Variants in IPP observed in about 807,000 individuals in gnomAD.
The protein encoded by IPP is intracisternal A particle-promoted polypeptide.
In IPP, 41 loss-of-function variants were observed where a neutral mutation model predicts 64.1. The ratio of observed to expected loss-of-function variants is 0.64; its 90% CI spans 0.50 to 0.83. IPP has a LOEUF of 0.83. IPP is among the 40% of genes least tolerant of loss of function. The probability of loss-of-function intolerance (pLI) is 0.00; values close to 1 mark genes in which losing one functional copy is unlikely to be tolerated. For missense variants in IPP, 649 were observed against 703.0 expected, an observed-to-expected ratio of 0.92 and a Z score of 0.87; for synonymous variants, 214 against 235.2, an observed-to-expected ratio of 0.91 and a Z score of 0.83.
At chr1:45,709,488 G>T (rs531098188) in intron 8 of IPP, among the ~76,000 whole-genome samples, 59 of 141,282 alleles carry the variant, frequency 4.2e-4, no homozygotes, top group African/African-American at 1.6e-3. Context: ...ATGTGAGATA[G>T]AAATGCAATT....
intron 3 of IPP, among the ~76,000 whole-genome samples, chr1:45,739,480 C>A (rs1646031398): frequency 9.0e-6 from 1 of 110,868 alleles, no homozygotes; most frequent in South Asian, 3.0e-4. Context: ...GTCTTGAATT[C>A]TTGTGCTAAA....
At chr1:45,740,782 G>A in intron 3 of IPP, 119 bp downstream of exon 3, 3 of 580,710 alleles carry the variant, frequency 5.2e-6, no homozygotes, top group Middle Eastern at 4.5e-4. Flanking sequence ...GAAAAAAAAA[G>A]AGTAATCATT....
chr1:45,719,795 G>A (rs927947128), intron 5 of IPP, among the ~76,000 whole-genome samples: 5 of 149,952 alleles, frequency 3.3e-5, no homozygotes, highest in Admixed American at 6.7e-5. Context: ...GCACAATCTC[G>A]GCTCACTGCA....
chr1:45,716,979 G>A lies in IPP; in HGVS notation c.1225C>T (p.Arg409Ter), dbSNP rs757516477. The A allele has an allele frequency of 6.8e-6, 11 of 1,612,548 alleles. No individual in the cohort carries two copies. The highest frequency in any genetic ancestry group is 4.5e-5 in the East Asian group (2 of 44,832). ...VGAEIGNTIERFDPDENKWEV... is the reference protein window; with the variant it reads ...VGAEIGNTIE ...CATTTATTTTCATCAGGATCAAATC[G>A]TTCAATGGTGTTCCCTATCTCAGCT... is the stretch of plus-strand genomic sequence containing the variant. Residue 409 changes from arginine (R) to a stop codon, truncating the protein, a stop_gained, in exon 7 of 9, where the codon CGA becomes TGA. Transcript: ENST00000396478. LOFTEE classifies it high-confidence loss of function.
intron 4 of IPP, among the ~76,000 whole-genome samples, chr1:45,728,495 CT>C (rs1051665461): frequency 6.7e-6 from 1 of 149,648 alleles, no homozygotes; most frequent in African/African-American, 2.5e-5. Context: ...AAGTTTAATG[CT>C]TTTTTTTTCT....
At chr1:45,735,347 G>C (rs1242660976) in intron 3 of IPP, among the ~76,000 whole-genome samples, 3 of 151,976 alleles carry the variant, frequency 2.0e-5, no homozygotes, top group Admixed American at 2.0e-4. Flanking sequence ...GCCTCCCAAA[G>C]TGCTGGGATT....
In IPP at chr1:45,727,050, ACTTTT is replaced by A. The variant is rs374038800; in HGVS notation, c.1048+576_1048+580del. Among the ~76,000 whole-genome samples the A allele has an allele frequency of 6.3e-4, 95 of 151,052 alleles. No homozygotes were observed. In the East Asian group the frequency reaches 0.017, roughly 26 times the overall value. ...AGGCAGGTGCCATATTCTATAAACA[ACTTTT>A]CTTTTCTTTTTTGAGAGAGGGTCTT... On this transcript the variant is annotated intron_variant, in intron 5 of 8. Coordinates refer to ENST00000396478, the MANE Select transcript of IPP (RefSeq NM_005897.3).
intron 5 of IPP, among the ~76,000 whole-genome samples, chr1:45,724,591 C>T (rs1345032186): frequency 2.0e-5 from 3 of 150,154 alleles, no homozygotes; most frequent in South Asian, 2.1e-4. Flanking sequence ...TCTGCCCGGC[C>T]GCCCATCGTC....
At chr1:45,733,157 C>A (rs529081829) in intron 3 of IPP, among the ~76,000 whole-genome samples, 1 of 151,758 alleles carries the variant, frequency 6.6e-6, no homozygotes, top group African/African-American at 2.4e-5. Flanking sequence ...CCAGGTGCAG[C>A]GGCTCACGCC....
Position 45,700,203 on chromosome 1 carries a change from G to GA in IPP, c.1531-14dup, listed in dbSNP as rs550999501. ...CAACCCACTTTTCCTGGTTAAGAGA[G>GA]AAAAAAAAAATATGTTAGCAGTGTT... On this transcript the variant is annotated splice_polypyrimidine_tract_variant and intron_variant, in intron 8 of 8. Transcript: ENST00000396478. 0.29 allele frequency: 413,664 copies of GA among 1,446,728 alleles called. 28,456 individuals carry two copies. The highest frequency in any genetic ancestry group is 0.34 in the Middle Eastern group (1,850 of 5,438). The allele number at this position is 1,446,728 out of a possible 1,614,324, so 89.6% of individuals were successfully genotyped here.
At chr1:45,717,041 TG>T (rs1219508065) in intron 6 of IPP, 24 bp from the exon 7 acceptor site, 1 of 1,608,330 alleles carries the variant, frequency 6.2e-7, no homozygotes, top group Non-Finnish European at 8.5e-7. Context: ...GAAAAATGTT[TG>T]TTTCCGGGAT....
intron 8 of IPP, 73 bp from the exon 9 acceptor site, chr1:45,700,263 C>A: frequency 6.6e-7 from 1 of 1,517,782 alleles, no homozygotes; most frequent in Non-Finnish European, 8.8e-7. Flanking sequence ...CTGAGAAATT[C>A]GATATCCCAG....
downstream of IPP, among the ~76,000 whole-genome samples, chr1:45,696,063 G>A (rs1262709778): frequency 6.6e-6 from 1 of 152,114 alleles, no homozygotes. Flanking sequence ...TTATTAAATT[G>A]CATGAATGCT....
intron 6 of IPP, among the ~76,000 whole-genome samples, chr1:45,718,381 A>G (rs1645688111): frequency 6.6e-6 from 1 of 152,274 alleles, no homozygotes; most frequent in Non-Finnish European, 1.5e-5. Context: ...CAGTAGCTCC[A>G]GAGATACCTG....
At chr1:45,701,088 T>C (rs1645444284) in intron 8 of IPP, among the ~76,000 whole-genome samples, 1 of 152,180 alleles carries the variant, frequency 6.6e-6, no homozygotes, top group East Asian at 1.9e-4. Flanking sequence ...GAACAAACAA[T>C]GATTTTCCCA....
At chr1:45,720,972 GA>G (rs953416633) in intron 5 of IPP, among the ~76,000 whole-genome samples, 7 of 151,630 alleles carry the variant, frequency 4.6e-5, no homozygotes, top group African/African-American at 1.7e-4. Context: ...ACAATAAAGG[GA>G]AAAAAATAAG....
intron 3 of IPP, among the ~76,000 whole-genome samples, chr1:45,737,726 C>T (rs1354384424): frequency 1.3e-5 from 2 of 152,202 alleles, no homozygotes; most frequent in South Asian, 2.1e-4. Flanking sequence ...TCCCAAAGTG[C>T]GGGGATTACA....
At chr1:45,703,635 C>G (rs959769552) in intron 8 of IPP, among the ~76,000 whole-genome samples, 4 of 151,916 alleles carry the variant, frequency 2.6e-5, no homozygotes, top group African/African-American at 9.7e-5. Flanking sequence ...CTAATTTAAC[C>G]TGGTTTAACC....
intron 3 of IPP, among the ~76,000 whole-genome samples, chr1:45,738,839 C>CA (rs752168393): frequency 0.094 from 700 of 7,482 alleles, 44 homozygotes; most frequent in East Asian, 0.13. Context: ...GACTCCATCT[C>CA]AAAAAAAAAA....
Sources: allele counts gnomAD v4.1 joint callset (sites outside exome capture counted in the v4.1 genomes callset), GRCh38; gene constraint gnomAD v4.1.1; transcripts MANE v1.5; gene names NCBI Gene and HGNC (gene_info 2026-07-23, HGNC 2026-07-21).